The following CEP89 variants were observed in gnomAD, a reference collection of about 807,000 sequenced individuals.
CEP89 encodes the protein centrosomal protein 89.
A neutral mutation model predicts 97.6 loss-of-function variants in CEP89; 95 were observed. The observed-to-expected ratio is 0.97, with a 90% CI of 0.82 to 1.15. CEP89 has a LOEUF of 1.15. CEP89 is among the 50% of genes most tolerant of loss of function. The pLI, the probability that CEP89 is intolerant of heterozygous loss-of-function variation, is 0.00. For missense variants in CEP89, 869 were observed against 947.7 expected, an observed-to-expected ratio of 0.92 and a Z score of 1.09; for synonymous variants, 354 against 349.1, an observed-to-expected ratio of 1.01 and a Z score of -0.16.
chr19:32,938,972 A>G (rs938322821), intron 6 of CEP89, among the ~76,000 whole-genome samples: 1 of 152,074 alleles, frequency 6.6e-6, no homozygotes, highest in Admixed American at 6.6e-5. Context: ...CAGGCTAGGC[A>G]CGTCACATCA....
chr19:32,898,774 C>T (rs896183586), intron 16 of CEP89, among the ~76,000 whole-genome samples: 4 of 150,146 alleles, frequency 2.7e-5, no homozygotes, highest in Admixed American at 6.7e-5. Flanking sequence ...CCCAGCTACT[C>T]GGGAGGCTGA....
At chr19:32,892,690 A>C (rs534531577) in intron 16 of CEP89, among the ~76,000 whole-genome samples, 6 of 151,956 alleles carry the variant, frequency 3.9e-5, no homozygotes, top group Admixed American at 6.6e-5. Context: ...AAAAAAAAAA[A>C]AAAACCTGTC....
Position 32,915,914 on chromosome 19 carries a change from C to A in CEP89, c.1385-397G>T, listed in dbSNP as rs550277616. 7.8e-3 allele frequency among the ~76,000 whole-genome samples: 547 copies of A among 70,564 alleles called. 3 individuals are homozygous for A. The highest frequency in any genetic ancestry group is 9.9e-3 in the Admixed American group (61 of 6,142). 46.3% of individuals were successfully genotyped at this position (70,564 alleles called of 152,430 possible). A position where few individuals can be genotyped will look rare whatever the true frequency, so the allele number is the denominator to read the frequency against. On this transcript the variant is annotated intron_variant, in intron 13 of 18. Transcript: ENST00000305768. ...AGCCTGGGCAACAGAGTGAGACTCT[C>A]TCAGAAAAAAAAAAAAAAAAAAAGA...
chr19:32,927,386 T>A (rs1297976297), intron 9 of CEP89, among the ~76,000 whole-genome samples: 1 of 152,008 alleles, frequency 6.6e-6, no homozygotes, highest in Non-Finnish European at 1.5e-5. Flanking sequence ...TCAACACAGA[T>A]AACAATACTA....
intron 16 of CEP89, among the ~76,000 whole-genome samples, chr19:32,898,447 T>C (rs534110476): frequency 1.3e-4 from 20 of 152,246 alleles, no homozygotes; most frequent in African/African-American, 4.8e-4. Context: ...GGTTGCTTAA[T>C]AGGTATAAGC....
rs938255636 is a variant in CEP89 at position 32,879,881 on chromosome 19, C to T, written c.2136-503G>A. The stretch of plus-strand genomic sequence containing the variant: ...ACTCAGTGACCTTCCACAGGTCTTC[C>T]GCTCCATACAGCCCAGAGCTAAGAG... On this transcript the variant is annotated intron_variant, in intron 18 of 18. Coordinates refer to ENST00000305768, the MANE Select transcript of CEP89 (RefSeq NM_032816.5). 3.3e-4 allele frequency among the ~76,000 whole-genome samples: 50 copies of T among 152,300 alleles called. 1 individual carries two copies. The highest frequency in any genetic ancestry group is 7.4e-5 in the Non-Finnish European group (5 of 68,022).
intron 16 of CEP89, among the ~76,000 whole-genome samples, chr19:32,898,472 A>G (rs1969690941): frequency 1.3e-5 from 2 of 152,158 alleles, no homozygotes; most frequent in African/African-American, 4.8e-5. Context: ...AGTTAGATAG[A>G]CGAAATAAGT....
chr19:32,899,116 A>G (rs1353083928), intron 16 of CEP89, among the ~76,000 whole-genome samples: 1 of 139,670 alleles, frequency 7.2e-6, no homozygotes, highest in African/African-American at 2.7e-5. Context: ...GTATCTCAAG[A>G]CTGGTTTAAT....
At chr19:32,889,667 C>T (rs538922475) in intron 16 of CEP89, among the ~76,000 whole-genome samples, 1 of 152,282 alleles carries the variant, frequency 6.6e-6, no homozygotes, top group African/African-American at 2.4e-5. Flanking sequence ...GTGATACTCC[C>T]TGGCCCATGG....
chr19:32,892,000 G>A lies in CEP89; in HGVS notation c.1876-4159C>T, dbSNP rs113685328. Among the ~76,000 whole-genome samples the A allele has an allele frequency of 1.6e-3, 236 of 151,034 alleles. 2 individuals carry two copies. Among genetic ancestry groups the A allele is most frequent in the African/African-American group, 5.3e-3 (217 of 41,290 alleles). On this transcript the variant is annotated intron_variant, in intron 16 of 18. Transcript: ENST00000305768. ...CTTCCCAAGTCTAGCAAGAGATTTC[G>A]AAATCCAGATATAGGAAGCTCAGGT...
intron 11 of CEP89, among the ~76,000 whole-genome samples, chr19:32,925,428 A>G (rs1970334688): frequency 2.0e-5 from 3 of 151,220 alleles, no homozygotes; most frequent in Admixed American, 2.0e-4. Context: ...ATTAAGAAGC[A>G]TCTAAGTTTG....
At chr19:32,934,173 A>G (rs1291740172) in intron 7 of CEP89, among the ~76,000 whole-genome samples, 1 of 132,274 alleles carries the variant, frequency 7.6e-6, no homozygotes, top group Non-Finnish European at 1.7e-5. Flanking sequence ...ACCCAGGATG[A>G]CCACCCAGGT....
chr19:32,909,737 T>C (rs905795738), intron 14 of CEP89, among the ~76,000 whole-genome samples: 1 of 151,900 alleles, frequency 6.6e-6, no homozygotes, highest in African/African-American at 2.4e-5. Context: ...GATTGGGAAA[T>C]GGAGAGAAAA....
chr19:32,918,157 G>A, intron 13 of CEP89, 67 bp downstream of exon 13: 1 of 1,257,686 alleles, frequency 8.0e-7, no homozygotes, highest in Non-Finnish European at 1.1e-6. Flanking sequence ...CGGCAGGAGA[G>A]AGATAGAAGG....
At chr19:32,880,733 C>G (rs371261287) in intron 18 of CEP89, among the ~76,000 whole-genome samples, 2 of 151,512 alleles carry the variant, frequency 1.3e-5, no homozygotes, top group Non-Finnish European at 2.9e-5. Context: ...TGGCTGAACT[C>G]GAAAGAACAG....
intron 2 of CEP89, among the ~76,000 whole-genome samples, chr19:32,964,509 C>G (rs947404659): frequency 6.6e-6 from 1 of 152,150 alleles, no homozygotes; most frequent in East Asian, 1.9e-4. Context: ...TTCTAGTAAC[C>G]AAAAATTAGA....
At chr19:32,906,100 T>G (rs1233710750) in intron 14 of CEP89, among the ~76,000 whole-genome samples, 1 of 152,230 alleles carries the variant, frequency 6.6e-6, no homozygotes, top group East Asian at 1.9e-4. Flanking sequence ...TCCTTATGCT[T>G]GGGACATATA....
chr19:32,938,804 G>A (rs912832906), intron 6 of CEP89, among the ~76,000 whole-genome samples: 3 of 152,062 alleles, frequency 2.0e-5, no homozygotes, highest in Non-Finnish European at 1.5e-5. Context: ...ACAAAAATTA[G>A]CTGGGCATGG....
chr19:32,898,420 G>A (rs1318832836), intron 16 of CEP89, among the ~76,000 whole-genome samples: 3 of 152,156 alleles, frequency 2.0e-5, no homozygotes, highest in Non-Finnish European at 4.4e-5. Flanking sequence ...TGGGGGGCAG[G>A]TGGCTGAATG....
Sources: gnomAD v4.1 joint callset for allele counts (sites outside exome capture counted in the v4.1 genomes callset) on GRCh38, gnomAD v4.1.1 for gene constraint, MANE v1.5 for transcripts, NCBI Gene and HGNC (gene_info 2026-07-23, HGNC 2026-07-21) for gene names.